The following SLAIN2 variants were observed in gnomAD, a reference collection of about 807,000 sequenced individuals.
The protein encoded by SLAIN2 is SLAIN motif-containing protein 2.
SLAIN2 carries 31 observed loss-of-function variants against 56.6 expected under a neutral mutation model. That is an observed-to-expected ratio of 0.55 (90% CI 0.41 to 0.74). SLAIN2 has a LOEUF of 0.74. Ranked by LOEUF, SLAIN2 falls within the 30% of genes least tolerant of loss-of-function variation. The pLI is 0.00. For missense variants in SLAIN2, 777 were observed against 754.2 expected (o/e 1.03, Z -0.35); for synonymous variants, 317 against 284.9 (o/e 1.11, Z -1.13).
intron 1 of SLAIN2, among the ~76,000 whole-genome samples, chr4:48,349,564 A>C (rs1714958268): frequency 1.3e-5 from 2 of 152,234 alleles, no homozygotes; most frequent in African/African-American, 2.4e-5. Flanking sequence ...TCTGTTTAGT[A>C]GGATTACAGA....
chr4:48,348,762 G>A (rs1577707135), intron 1 of SLAIN2, among the ~76,000 whole-genome samples: 6 of 151,918 alleles, frequency 3.9e-5, no homozygotes, highest in East Asian at 1.9e-4. Context: ...ATTTAGCAGC[G>A]GAAGCATCAT....
intron 6 of SLAIN2, among the ~76,000 whole-genome samples, chr4:48,419,134 G>C (rs554970379): frequency 6.2e-4 from 93 of 149,582 alleles, no homozygotes; most frequent in Admixed American, 1.6e-3. Flanking sequence ...ACAGAGTCTC[G>C]CTCTGTTGCC....
At chr4:48,349,532 T>G (rs891219424) in intron 1 of SLAIN2, among the ~76,000 whole-genome samples, 1 of 152,230 alleles carries the variant, frequency 6.6e-6, no homozygotes, top group African/African-American at 2.4e-5. Flanking sequence ...AGTTTAAAAA[T>G]TAGCCAAAAT....
chr4:48,355,798 ATATATT>A (rs1186265680), intron 1 of SLAIN2, among the ~76,000 whole-genome samples: 2 of 151,888 alleles, frequency 1.3e-5, no homozygotes, highest in Non-Finnish European at 2.9e-5. Flanking sequence ...ATCTAATTAC[ATATATT>A]TATATTTTTC....
intron 1 of SLAIN2, 57 bp downstream of exon 1, chr4:48,342,185 G>A: frequency 7.5e-7 from 1 of 1,328,962 alleles, no homozygotes; most frequent in Non-Finnish European, 9.6e-7. Flanking sequence ...GGCGGAGAGC[G>A]TCCTCTGAGG....
intron 1 of SLAIN2, among the ~76,000 whole-genome samples, chr4:48,363,790 G>T (rs1441041548): frequency 7.4e-5 from 10 of 134,250 alleles, no homozygotes; most frequent in South Asian, 2.6e-4. Context: ...CTGGCCGGGT[G>T]GGGGGGCTGA....
chr4:48,381,393 A>G (rs531610897), intron 4 of SLAIN2, among the ~76,000 whole-genome samples: 2 of 152,064 alleles, frequency 1.3e-5, no homozygotes, highest in Non-Finnish European at 2.9e-5. Context: ...TTTTTACAAC[A>G]TTGTGTTTTG....
chr4:48,396,876 C>A (rs1279771729), intron 6 of SLAIN2, among the ~76,000 whole-genome samples: 1 of 152,182 alleles, frequency 6.6e-6, no homozygotes, highest in African/African-American at 2.4e-5. Flanking sequence ...AAAGTAAGAA[C>A]TGTGTTGCTT....
intron 6 of SLAIN2, among the ~76,000 whole-genome samples, chr4:48,411,362 C>G (rs1716841627): frequency 6.6e-6 from 1 of 152,112 alleles, no homozygotes; most frequent in Non-Finnish European, 1.5e-5. Flanking sequence ...AAAAAACAAA[C>G]AAACAAACAC....
intron 6 of SLAIN2, chr4:48,394,455 C>A: frequency 4.2e-6 from 3 of 716,576 alleles, no homozygotes; most frequent in Non-Finnish European, 6.8e-6. Context: ...CATATTTGCA[C>A]CTTATGGCTT....
intron 6 of SLAIN2, among the ~76,000 whole-genome samples, chr4:48,413,494 T>G (rs960637898): frequency 3.3e-5 from 5 of 152,232 alleles, no homozygotes; most frequent in African/African-American, 1.2e-4. Context: ...AATTCATCTT[T>G]TTGTTCTTTA....
rs576565678 is a variant in SLAIN2 at position 48,419,350 on chromosome 4, C to T, written c.1361-775C>T. ...AACTCCTGACCTCAGGTGATCCGCC[C>T]GCCTCGGACTCCCAAAGTGCTGGGA... On this transcript the variant is annotated intron_variant, in intron 6 of 7. Coordinates refer to ENST00000264313, the MANE Select transcript of SLAIN2 (RefSeq NM_020846.2). 1.3e-3 allele frequency among the ~76,000 whole-genome samples: 194 copies of T among 152,212 alleles called. 1 individual carries two copies. The highest frequency in any genetic ancestry group is 4.1e-3 in the African/African-American group (171 of 41,530).
chr4:48,358,762 C>T (rs905517879), intron 1 of SLAIN2, among the ~76,000 whole-genome samples: 11 of 151,484 alleles, frequency 7.3e-5, no homozygotes, highest in Admixed American at 6.6e-4. Flanking sequence ...CTCTTGTCGT[C>T]CAGGCTGGAG....
intron 6 of SLAIN2, among the ~76,000 whole-genome samples, chr4:48,401,384 TCTCA>T (rs1157257842): frequency 6.6e-6 from 1 of 152,212 alleles, no homozygotes; most frequent in Non-Finnish European, 1.5e-5. Flanking sequence ...TGTTAAAATC[TCTCA>T]CTATTATTGT....
intron 6 of SLAIN2, among the ~76,000 whole-genome samples, chr4:48,397,020 G>A (rs1369756037): frequency 6.6e-6 from 1 of 152,090 alleles, no homozygotes; most frequent in Admixed American, 6.5e-5. Flanking sequence ...CCACTCTGAA[G>A]AAAACAATCC....
rs1876834 is a variant in SLAIN2, at chr4:48,341,676, G to C, written c.-64G>C. On this transcript the variant is annotated 5_prime_UTR_variant, in exon 1 of 8. Coordinates refer to ENST00000264313, the MANE Select transcript of SLAIN2 (RefSeq NM_020846.2). The stretch of plus-strand genomic sequence containing the variant: ...AGCGGCGGCGACGCCTCTTTCCTCC[G>C]TCTCTTTCCCTGTCGCTGCGAGAGC... 3 of 1,501,694 alleles carry C rather than the reference G, an allele frequency of 2.0e-6. No individual in the cohort carries two copies. Among genetic ancestry groups the C allele is most frequent in the South Asian group, 1.3e-5 (1 of 77,900 alleles). 93.0% of individuals were successfully genotyped at this position (1,501,694 alleles called of 1,614,324 possible). A position where few individuals can be genotyped will look rare whatever the true frequency, so the allele number is the denominator to read the frequency against.
intron 6 of SLAIN2, among the ~76,000 whole-genome samples, chr4:48,392,011 C>T (rs567612874): frequency 6.6e-6 from 1 of 152,246 alleles, no homozygotes; most frequent in African/African-American, 2.4e-5. Flanking sequence ...AGTTTTAAAC[C>T]ATAAATATTT....
intron 1 of SLAIN2, among the ~76,000 whole-genome samples, chr4:48,360,631 A>C (rs1715300264): frequency 6.6e-6 from 1 of 152,142 alleles, no homozygotes; most frequent in Non-Finnish European, 1.5e-5. Flanking sequence ...TAAGAAATAA[A>C]GTGTACTGTG....
chr4:48,377,840 AAACGTT>A, intron 2 of SLAIN2, 50 bp from the exon 3 acceptor site: 1 of 1,513,588 alleles, frequency 6.6e-7, no homozygotes, highest in South Asian at 1.2e-5. Context: ...TTCAGAAATG[AAACGTT>A]AACTTTTTCT....
Sources: allele counts gnomAD v4.1 joint callset (sites outside exome capture counted in the v4.1 genomes callset), GRCh38; gene constraint gnomAD v4.1.1; transcripts MANE v1.5; gene names NCBI Gene and HGNC (gene_info 2026-07-23, HGNC 2026-07-21).